The following APBA2 variants were observed in gnomAD, a reference collection of about 807,000 sequenced individuals.
APBA2 encodes amyloid beta precursor protein binding family A member 2.
A neutral mutation model predicts 75.0 loss-of-function variants in APBA2; 30 were observed. The observed-to-expected ratio is 0.40, with a 90% CI of 0.30 to 0.54. APBA2 has a LOEUF of 0.54. APBA2 is among the 20% of genes least tolerant of loss of function. The probability of loss-of-function intolerance (pLI) is 0.49; values close to 1 mark genes in which losing one functional copy is unlikely to be tolerated. For synonymous variants in APBA2, 444 were observed against 409.6 expected (o/e 1.08, Z -1.01); for missense variants, 801 against 1,016.1 (o/e 0.79, Z 2.88).
At chr15:29,052,426 T>G (rs1243112063) in intron 3 of APBA2, among the ~76,000 whole-genome samples, 3 of 134,450 alleles carry the variant, frequency 2.2e-5, no homozygotes, top group African/African-American at 3.2e-5. Context: ...CTGCACTCCA[T>G]CCTGGGCGAC....
intron 2 of APBA2, among the ~76,000 whole-genome samples, chr15:28,980,103 G>T (rs1431873820): frequency 6.6e-6 from 1 of 152,210 alleles, no homozygotes; most frequent in East Asian, 1.9e-4. Flanking sequence ...TAAACACTTG[G>T]TAGATTCAGC....
chr15:29,113,145 G>C (rs551422991), intron 13 of APBA2, among the ~76,000 whole-genome samples: 1 of 152,058 alleles, frequency 6.6e-6, no homozygotes, highest in East Asian at 1.9e-4. Context: ...CTGTGAACAC[G>C]GGTGTGCACG....
chr15:28,902,553 A>G (rs919652077), intron 1 of APBA2, among the ~76,000 whole-genome samples: 6 of 152,166 alleles, frequency 3.9e-5, no homozygotes, highest in African/African-American at 1.2e-4. Flanking sequence ...GGGAGAAGCT[A>G]TGGAAATGCC....
At chr15:29,104,823 C>G (rs549928392) in intron 10 of APBA2, among the ~76,000 whole-genome samples, 1 of 152,314 alleles carries the variant, frequency 6.6e-6, no homozygotes, top group Non-Finnish European at 1.5e-5. Flanking sequence ...GTGGCTCACA[C>G]CTGCAATGCC....
intron 1 of APBA2, among the ~76,000 whole-genome samples, chr15:28,904,199 G>A (rs182674118): frequency 1.3e-5 from 2 of 152,228 alleles, no homozygotes; most frequent in African/African-American, 2.4e-5. Flanking sequence ...GACTCCACCC[G>A]CCGGGGGCCC....
intron 2 of APBA2, among the ~76,000 whole-genome samples, chr15:28,952,520 A>G (rs1430227063): frequency 6.6e-6 from 1 of 152,146 alleles, no homozygotes; most frequent in Non-Finnish European, 1.5e-5. Flanking sequence ...TAACAGACCA[A>G]GACTCTGTTT....
intron 2 of APBA2, among the ~76,000 whole-genome samples, chr15:28,922,147 G>C (rs1309402469): frequency 6.6e-6 from 1 of 152,144 alleles, no homozygotes; most frequent in Non-Finnish European, 1.5e-5. Flanking sequence ...CCTTCCCCAT[G>C]GGGTGCACAT....
At chr15:28,898,746 A>C (rs952951651) in intron 1 of APBA2, among the ~76,000 whole-genome samples, 3 of 152,200 alleles carry the variant, frequency 2.0e-5, no homozygotes, top group Non-Finnish European at 4.4e-5. Flanking sequence ...TTTCAAGGTG[A>C]AATTTGAATG....
chr15:29,081,149 G>T (rs1461190882), intron 6 of APBA2, among the ~76,000 whole-genome samples: 3 of 152,184 alleles, frequency 2.0e-5, no homozygotes, highest in Non-Finnish European at 4.4e-5. Context: ...CATACAGTGG[G>T]CACATGGGAT....
chr15:29,092,074 G>A (rs1348200095), intron 6 of APBA2, among the ~76,000 whole-genome samples: 6 of 152,196 alleles, frequency 3.9e-5, no homozygotes, highest in South Asian at 4.1e-4. Context: ...AGCCCCAATC[G>A]CAAATCCTCC....
chr15:28,997,414 T>C (rs2038588014), intron 3 of APBA2, among the ~76,000 whole-genome samples: 2 of 152,204 alleles, frequency 1.3e-5, no homozygotes, highest in East Asian at 3.8e-4. Context: ...TATTTAACTT[T>C]CTACTTAGGG....
At position 29,046,124 on chromosome 15, in the gene APBA2, T is replaced by C. The variant is rs1171419479; in HGVS notation, c.-40-7721T>C. 1.3e-5 allele frequency among the ~76,000 whole-genome samples: 2 copies of C among 152,176 alleles called. No homozygotes were observed. The highest frequency in any genetic ancestry group is 2.9e-5 in the Non-Finnish European group (2 of 68,038). On this transcript the variant is annotated intron_variant, in intron 3 of 14. Transcript: ENST00000683413. The surrounding 1 kb of genome is among the most constrained non-coding windows in gnomAD (Gnocchi z 5.0). Reference sequence around the variant, plus strand: ...GCTTCCTGAAAAAGTTGCTTACACATTGAGGTGTGTTAAATGGAATTCTTT... The same window carrying C: ...GCTTCCTGAAAAAGTTGCTTACACACTGAGGTGTGTTAAATGGAATTCTTT...
chr15:28,999,025 A>G (rs1267503265), intron 3 of APBA2, among the ~76,000 whole-genome samples: 1 of 152,018 alleles, frequency 6.6e-6, no homozygotes, highest in Non-Finnish European at 1.5e-5. Flanking sequence ...GCGGACATCT[A>G]TAATCCCAGC....
At chr15:28,937,176 T>C (rs1232664753) in intron 2 of APBA2, among the ~76,000 whole-genome samples, 1 of 151,930 alleles carries the variant, frequency 6.6e-6, no homozygotes, top group Admixed American at 6.6e-5. Flanking sequence ...CCGGGGACAG[T>C]GTGCTGCCAG....
chr15:28,974,342 A>G (rs1341579472), intron 2 of APBA2, among the ~76,000 whole-genome samples: 10 of 152,198 alleles, frequency 6.6e-5, no homozygotes, highest in Admixed American at 6.5e-4. Flanking sequence ...ACGATGCGGA[A>G]ACCACAGGGG....
intron 14 of APBA2, 127 bp downstream of exon 14, chr15:29,114,143 G>A (rs1596013250): frequency 2.1e-6 from 3 of 1,398,500 alleles, no homozygotes; most frequent in Middle Eastern, 2.0e-4. Context: ...GTCTCCCATC[G>A]GGGCTGCTGT....
At chr15:28,990,676 T>A (rs1483056663) in intron 2 of APBA2, 3 of 152,074 alleles carry the variant, frequency 2.0e-5, no homozygotes. Context: ...AAAGAATTGG[T>A]CCCCAGTGGG....
intron 6 of APBA2, among the ~76,000 whole-genome samples, chr15:29,088,488 C>G (rs978020549): frequency 6.6e-6 from 1 of 152,178 alleles, no homozygotes; most frequent in Admixed American, 6.5e-5. Context: ...CCATCGAGCT[C>G]TGCAACCATT....
chr15:29,083,598 T>G (rs2043170902), intron 6 of APBA2, among the ~76,000 whole-genome samples: 1 of 152,226 alleles, frequency 6.6e-6, no homozygotes, highest in African/African-American at 2.4e-5. Flanking sequence ...TGGCGCAATC[T>G]TGGCTCACTG....
Sources: gnomAD v4.1 joint callset for allele counts (sites outside exome capture counted in the v4.1 genomes callset) on GRCh38, gnomAD v4.1.1 for gene constraint, Gnocchi (gnomAD v3.1) non-coding constraint, MANE v1.5 for transcripts, NCBI Gene and HGNC (gene_info 2026-07-23, HGNC 2026-07-21) for gene names.